The following DNAH17 variants were observed in gnomAD, a reference collection of about 807,000 sequenced individuals.
DNAH17 encodes the protein dynein axonemal heavy chain 17.
DNAH17 carries 376 observed loss-of-function variants against 485.6 expected under a neutral mutation model. The ratio of observed to expected loss-of-function variants is 0.77; its 90% CI spans 0.71 to 0.84. The LOEUF is 0.84. Ranked by LOEUF, DNAH17 falls within the 40% of genes least tolerant of loss-of-function variation. DNAH17 has a pLI of 0.00. For synonymous variants in DNAH17, 3,031 were observed against 2,405.9 expected (o/e 1.26, Z -7.60); for missense variants, 6,370 against 5,839.3 (o/e 1.09, Z -2.96).
intron 74 of DNAH17, among the ~76,000 whole-genome samples, chr17:78,435,221 C>T (rs2086817880): frequency 6.6e-6 from 1 of 152,188 alleles, no homozygotes; most frequent in Non-Finnish European, 1.5e-5. Flanking sequence ...ATGGGAGACT[C>T]ACCAGCCCCC....
chr17:78,575,636 C>T (rs2092423315), intron 1 of DNAH17, among the ~76,000 whole-genome samples: 1 of 152,108 alleles, frequency 6.6e-6, no homozygotes, highest in African/African-American at 2.4e-5. Flanking sequence ...TCCCTCCAGC[C>T]CCCAGCGTGC....
At chr17:78,564,945 A>G (rs2090862807) in intron 11 of DNAH17, among the ~76,000 whole-genome samples, 1 of 151,852 alleles carries the variant, frequency 6.6e-6, no homozygotes, top group African/African-American at 2.4e-5. Flanking sequence ...TGAGAAAGGG[A>G]ATGTTGCCAG....
chr17:78,440,107 A>G (rs775808673), intron 72 of DNAH17, among the ~76,000 whole-genome samples: 1 of 151,698 alleles, frequency 6.6e-6, no homozygotes, highest in Non-Finnish European at 1.5e-5. Flanking sequence ...CTAATTTATA[A>G]AATTATCTGT....
In DNAH17 at chr17:78,500,247, A is replaced by G. The variant is rs762920620; in HGVS notation, c.5640+58T>C. Reference sequence around the variant, plus strand: ...GTGGGGCCTCGGAGGACAGGGTGCTAGGATCTGCTTCTATAAAAGAAGACT... The same window carrying G: ...GTGGGGCCTCGGAGGACAGGGTGCTGGGATCTGCTTCTATAAAAGAAGACT... On this transcript the variant is annotated intron_variant, in intron 36 of 80. Coordinates refer to ENST00000389840, the MANE Select transcript of DNAH17 (RefSeq NM_173628.4). 10 of 1,532,552 alleles carry G rather than the reference A, an allele frequency of 6.5e-6. No individual in the cohort carries two copies. In the South Asian group the frequency reaches 8.6e-5, roughly 13 times the overall value. The allele number at this position is 1,532,552 out of a possible 1,614,324, so 94.9% of individuals were successfully genotyped here.
At chr17:78,466,942 G>T in intron 55 of DNAH17, 126 bp from the exon 56 acceptor site, 1 of 997,466 alleles carries the variant, frequency 1.0e-6, no homozygotes, top group Non-Finnish European at 1.4e-6. Context: ...CAGGGCCTGG[G>T]CAGCACAGTC....
intron 16 of DNAH17, among the ~76,000 whole-genome samples, 186 bp from the exon 17 acceptor site, chr17:78,544,183 G>A (rs762933982): frequency 6.6e-6 from 1 of 152,180 alleles, no homozygotes; most frequent in African/African-American, 2.4e-5. Context: ...CTGTTGACCA[G>A]AGAACCTTAA....
intron 26 of DNAH17, among the ~76,000 whole-genome samples, chr17:78,513,235 A>T (rs1234885935): frequency 6.6e-6 from 1 of 152,160 alleles, no homozygotes; most frequent in Non-Finnish European, 1.5e-5. Context: ...CAGCATTAAC[A>T]TCAACACAGA....
chr17:78,537,424 A>C lies in DNAH17; in HGVS notation c.2734T>G (p.Phe912Val). 6.2e-7 allele frequency: 1 copy of C among 1,613,406 alleles called. No individual in the cohort carries two copies. Among genetic ancestry groups the C allele is most frequent in the South Asian group, 1.1e-5 (1 of 91,038 alleles). ...RMELDEDGLTFNPTLEVGSDR... is the reference protein window; with the variant it reads ...RMELDEDGLTVNPTLEVGSDR... The stretch of plus-strand genomic sequence containing the variant: ...GAGCCCACCTCCAGGGTCGGGTTGA[A>C]GGTCAGCCCATCCTCGTCCAGCTCC... Residue 912 changes from phenylalanine (F) to valine (V), a missense_variant, in exon 19 of 81, where the codon TTC (phenylalanine) becomes GTC (valine). Transcript: ENST00000389840.
Position 78,560,768 on chromosome 17 carries a change from T to C in DNAH17, c.2003A>G (p.Asn668Ser), listed in dbSNP as rs1192879343. Reference protein sequence around the residue: ...QPLILRDAASNLIHVNFSKAL... With the variant: ...QPLILRDAASSLIHVNFSKAL... ...TTTGCTGAAGTTGACGTGGATGAGG[T>C]TGCTAGCGGCGTCCCGCAGAATCAG... is the stretch of plus-strand genomic sequence containing the variant. Residue 668 changes from asparagine to serine, a missense_variant, in exon 13 of 81, where the codon AAC becomes AGC. Transcript: ENST00000389840. 4 of 1,551,980 alleles carry C rather than the reference T, an allele frequency of 2.6e-6. No individual in the cohort carries two copies. The highest frequency in any genetic ancestry group is 2.0e-5 in the Admixed American group (1 of 51,082).
At chr17:78,452,983 A>G (rs1433260092) in intron 65 of DNAH17, among the ~76,000 whole-genome samples, 1 of 100,056 alleles carries the variant, frequency 1.0e-5, no homozygotes, top group African/African-American at 3.5e-5. Flanking sequence ...CAAATGCTCA[A>G]TTGTGTATTT....
Position 78,507,500 on chromosome 17 carries a change from C to T in DNAH17, c.4542G>A (p.Pro1514=), listed in dbSNP as rs182201309. 45 of 1,613,144 alleles carry T rather than the reference C, an allele frequency of 2.8e-5. No homozygotes were observed. The highest frequency in any genetic ancestry group is 1.2e-4 in the Admixed American group (7 of 60,000). ...IGSEDIRTQL[P]GDSQRFDDIN... ...TGTCGTCAAAGCGCTGGGAGTCCCC[C>T]GGGAGCTGGGTGCGGATGTCTTCGG... The change falls in exon 28 of 81, where the codon CCG becomes CCA. Residue 1514 remains proline, a synonymous_variant. Coordinates refer to ENST00000389840, the MANE Select transcript of DNAH17 (RefSeq NM_173628.4).
Position 78,529,561 on chromosome 17 carries a change from C to G in DNAH17, c.3418G>C (p.Asp1140His). 1.2e-6 allele frequency: 2 copies of G among 1,613,974 alleles called. No homozygotes were observed. The highest frequency in any genetic ancestry group is 1.7e-6 in the Non-Finnish European group (2 of 1,179,888). Residue 1140 changes from aspartate to histidine, a missense_variant, in exon 22 of 81, where the codon GAC becomes CAC. Physicochemically the swap from Asp to His is moderately conservative, Grantham distance 81. Transcript: ENST00000389840. ...TGCTTCAGGGGCTCAAACATGTTGT[C>G]GGTGGCTGCTTGCCTCTCCTTGACT... is the stretch of plus-strand genomic sequence containing the variant. ...MKVKERQAAT[D>H]NMFEPLKQTI... is the part of the protein sequence containing the mutation.
At position 78,485,659 on chromosome 17, in the gene DNAH17, C is replaced by A; in HGVS notation, c.7374G>T (p.Gly2458=). 6.2e-7 allele frequency: 1 copy of A among 1,614,000 alleles called. No homozygotes were observed. The highest frequency in any genetic ancestry group is 8.5e-7 in the Non-Finnish European group (1 of 1,179,888). The change falls in exon 47 of 81, where the codon GGG becomes GGT. Residue 2458 remains glycine (G), a synonymous_variant. Coordinates refer to ENST00000389840, the MANE Select transcript of DNAH17 (RefSeq NM_173628.4). ...SWPVMLVGNA[G]TGKSVLMGDK... is the part of the protein sequence containing the mutation. ...CCCCCATCAGCACCGACTTGCCCGT[C>A]CCCGCGTTCCCCACCAGCATCACCG... is the stretch of plus-strand genomic sequence containing the variant.
At chr17:78,440,082 C>T (rs1297086000) in intron 72 of DNAH17, among the ~76,000 whole-genome samples, 1 of 151,860 alleles carries the variant, frequency 6.6e-6, no homozygotes, top group Non-Finnish European at 1.5e-5. Flanking sequence ...CACAGGCATG[C>T]ACCACTATGC....
intron 17 of DNAH17, among the ~76,000 whole-genome samples, chr17:78,542,137 T>A (rs1488207730): frequency 7.8e-6 from 1 of 127,418 alleles, no homozygotes; most frequent in Non-Finnish European, 1.6e-5. Context: ...AAAACTGCCC[T>A]AAAATACTTT....
At chr17:78,487,151 G>A (rs11652153) in intron 44 of DNAH17, among the ~76,000 whole-genome samples, 32,917 of 152,122 alleles carry the variant, frequency 0.22, 3,860 homozygotes, top group East Asian at 0.27. Context: ...CACCACGGCG[G>A]TGAGGGGTGT....
At chr17:78,519,167 C>CAAA (rs71161610) in intron 25 of DNAH17, among the ~76,000 whole-genome samples, 3 of 75,600 alleles carry the variant, frequency 4.0e-5, no homozygotes, top group African/African-American at 5.4e-5. Flanking sequence ...GACTCCGTCT[C>CAAA]AAAAAAAAAA....
intron 14 of DNAH17, among the ~76,000 whole-genome samples, 162 bp downstream of exon 14, chr17:78,557,946 A>G (rs532721467): frequency 1.3e-5 from 2 of 152,264 alleles, no homozygotes; most frequent in East Asian, 3.9e-4. Flanking sequence ...GCACATACAC[A>G]TAGCAGGTAC....
intron 70 of DNAH17, 44 bp downstream of exon 70, chr17:78,445,514 A>C (rs2146474609): frequency 6.5e-7 from 1 of 1,548,252 alleles, no homozygotes; most frequent in Non-Finnish European, 8.7e-7. Flanking sequence ...AGGGGGCTCC[A>C]CGGCGGGGAG....
Sources: allele counts gnomAD v4.1 joint callset (sites outside exome capture counted in the v4.1 genomes callset), GRCh38; gene constraint gnomAD v4.1.1; transcripts MANE v1.5; gene names NCBI Gene and HGNC (gene_info 2026-07-23, HGNC 2026-07-21).